The following SH3RF2 variants were observed in gnomAD, a reference collection of about 807,000 sequenced individuals.
SH3RF2 encodes the protein E3 ubiquitin-protein ligase SH3RF2.
Under a neutral mutation model 59.0 loss-of-function variants are expected in SH3RF2, and 43 were observed. That is an observed-to-expected ratio of 0.73 (90% CI 0.57 to 0.94). The LOEUF is 0.94. SH3RF2 is among the 40% of genes least tolerant of loss of function. The pLI, the probability that SH3RF2 is intolerant of heterozygous loss-of-function variation, is 0.00. For synonymous variants in SH3RF2, 391 were observed against 391.5 expected (o/e 1.00, Z 0.01); for missense variants, 930 against 940.1 (o/e 0.99, Z 0.14).
intron 5 of SH3RF2, among the ~76,000 whole-genome samples, chr5:146,032,647 C>T (rs1050659970): frequency 9.2e-5 from 14 of 152,202 alleles, no homozygotes; most frequent in African/African-American, 3.4e-4. Context: ...CTCCTTCAGG[C>T]TTTACCAAAC....
intron 2 of SH3RF2, among the ~76,000 whole-genome samples, chr5:145,986,823 A>G (rs1056153917): frequency 2.6e-5 from 4 of 152,162 alleles, no homozygotes; most frequent in Admixed American, 2.6e-4. Context: ...AAATACGCCA[A>G]TGGCAGCCCT....
At chr5:146,030,204 A>G (rs1354236007) in intron 5 of SH3RF2, among the ~76,000 whole-genome samples, 1 of 152,202 alleles carries the variant, frequency 6.6e-6, no homozygotes, top group Non-Finnish European at 1.5e-5. Flanking sequence ...GACCTGAGCC[A>G]GTACTGATGA....
rs138639512 is a variant in SH3RF2 at position 145,949,421 on chromosome 5, C to T, written c.378+11115C>T. Among the ~76,000 whole-genome samples the T allele has an allele frequency of 1.8e-3, 273 of 152,286 alleles. 1 individual carries two copies. The highest frequency in any genetic ancestry group is 5.8e-3 in the African/African-American group (239 of 41,544). ...CAGGTCTGTGTTCAGGAAAGGTGTT[C>T]GTCTGTGATATTAACGAGCTGCCTG... On this transcript the variant is annotated intron_variant, in intron 2 of 9. Transcript: ENST00000359120.
At chr5:145,978,159 A>C (rs149302728) in intron 2 of SH3RF2, among the ~76,000 whole-genome samples, 4 of 152,330 alleles carry the variant, frequency 2.6e-5, no homozygotes, top group African/African-American at 9.6e-5. Context: ...TCTGCAAAAA[A>C]TCATATTCCT....
At chr5:146,054,253 TGCTGAGCTCAGAAAAATGAGGTC>T (rs1388862257) in intron 7 of SH3RF2, among the ~76,000 whole-genome samples, 2 of 152,254 alleles carry the variant, frequency 1.3e-5, no homozygotes, top group South Asian at 2.1e-4. Flanking sequence ...TCCAGCTCAG[TGCTGAGCTCAGAAAAATGAGGTC>T]ACACCTTGGT....
At position 146,037,475 on chromosome 5, in the gene SH3RF2, TG is replaced by T. The variant is rs569991526; in HGVS notation, c.1060-10291del. Among the ~76,000 whole-genome samples the T allele has an allele frequency of 1.8e-4, 27 of 152,230 alleles. 1 individual carries two copies. In the South Asian group the frequency reaches 5.2e-3, roughly 29 times the overall value. ...TCTAAGGACTTGAATTGATGATGTA[TG>T]GGGGGTCCGCATTGGCTGGGGTTTT... is the stretch of plus-strand genomic sequence containing the variant. On this transcript the variant is annotated intron_variant, in intron 5 of 9. Coordinates refer to ENST00000359120, the MANE Select transcript of SH3RF2 (RefSeq NM_152550.4).
At chr5:146,020,754 C>T (rs1345463772) in intron 5 of SH3RF2, among the ~76,000 whole-genome samples, 1 of 151,992 alleles carries the variant, frequency 6.6e-6, no homozygotes, top group East Asian at 1.9e-4. Context: ...CTTGAGTTTC[C>T]AAACCCCTCT....
chr5:146,022,642 G>C (rs1345737022), intron 5 of SH3RF2, among the ~76,000 whole-genome samples: 1 of 152,122 alleles, frequency 6.6e-6, no homozygotes, highest in Non-Finnish European at 1.5e-5. Flanking sequence ...GGGTGGCTGA[G>C]GCAGGCAGAT....
intron 4 of SH3RF2, among the ~76,000 whole-genome samples, chr5:146,013,446 T>C (rs1375756274): frequency 6.6e-6 from 1 of 152,118 alleles, no homozygotes; most frequent in African/African-American, 2.4e-5. Flanking sequence ...GGAAAATGGG[T>C]AAAGGAAGAA....
rs563310887 is a variant in SH3RF2 at position 146,041,120 on chromosome 5, T to A, written c.1060-6652T>A. ...TTCTGGCATCAAGCTGTCCACCCAT[T>A]TGGCCACTTCCTGAAAATTGTGAAA... On this transcript the variant is annotated intron_variant, in intron 5 of 9. Coordinates refer to ENST00000359120, the MANE Select transcript of SH3RF2 (RefSeq NM_152550.4). 2.6e-5 allele frequency among the ~76,000 whole-genome samples: 4 copies of A among 152,294 alleles called. No individual in the cohort carries two copies. In the South Asian group the frequency reaches 8.3e-4, roughly 32 times the overall value.
In SH3RF2 at chr5:146,072,234, C is replaced by G. The variant is rs573997435; in HGVS notation, c.*34-6226C>G. On this transcript the variant is annotated intron_variant, in intron 9 of 9. Coordinates refer to the SH3RF2 transcript ENST00000511217. ...AGAAAAGTGGGAACAATAATCAGCA[C>G]TTCACACTGTGATTGGGAAAATCAA... Among the ~76,000 whole-genome samples the G allele has an allele frequency of 7.4e-4, 113 of 152,298 alleles. 1 individual carries two copies. Among genetic ancestry groups the G allele is most frequent in the African/African-American group, 2.2e-3 (92 of 41,552 alleles).
At chr5:145,997,898 A>G (rs1760235025) in intron 2 of SH3RF2, 3 of 907,158 alleles carry the variant, frequency 3.3e-6, no homozygotes, top group Admixed American at 1.7e-5. Context: ...GCTCTGAAGC[A>G]AACACCAAAT....
rs1760234360 is a variant in SH3RF2, at chr5:145,997,887, A to C, written c.379-2171A>C. The C allele has an allele frequency of 3.2e-6, 3 of 952,372 alleles. No homozygotes were observed. In the East Asian group the frequency reaches 7.2e-5, roughly 23 times the overall value. The allele number at this position is 952,372 out of a possible 1,614,324, so 59.0% of individuals were successfully genotyped here. ...CTCAGTGCCCTTGCCAACAGAACTC[A>C]GCTCTGAAGCAAACACCAAATCAGA... On this transcript the variant is annotated intron_variant, in intron 2 of 9. Transcript: ENST00000359120.
intron 5 of SH3RF2, among the ~76,000 whole-genome samples, chr5:146,037,273 T>A (rs1761970082): frequency 6.6e-6 from 1 of 152,184 alleles, no homozygotes; most frequent in Admixed American, 6.5e-5. Context: ...GGATTAAGTC[T>A]GAGCCTCCCA....
chr5:145,953,010 T>G lies in SH3RF2; in HGVS notation c.378+14704T>G, dbSNP rs112583822. On this transcript the variant is annotated intron_variant, in intron 2 of 9. Coordinates refer to ENST00000359120, the MANE Select transcript of SH3RF2 (RefSeq NM_152550.4). The stretch of plus-strand genomic sequence containing the variant: ...CATTCTAGAATCTCAATAGAAGGCA[T>G]TCAACAAAATCATAGGTGCCAGCTA... 6.6e-5 allele frequency among the ~76,000 whole-genome samples: 10 copies of G among 152,038 alleles called. 1 individual carries two copies. Among genetic ancestry groups the G allele is most frequent in the African/African-American group, 2.2e-4 (9 of 41,452 alleles).
chr5:146,046,072 C>T (rs541051618), intron 5 of SH3RF2, among the ~76,000 whole-genome samples: 5 of 152,284 alleles, frequency 3.3e-5, no homozygotes, highest in South Asian at 4.1e-4. Context: ...CATACATTTA[C>T]GCAATCATTG....
intron 9 of SH3RF2, among the ~76,000 whole-genome samples, chr5:146,069,633 G>T (rs1048330598): frequency 6.6e-6 from 1 of 152,100 alleles, no homozygotes; most frequent in Non-Finnish European, 1.5e-5. Flanking sequence ...GAGTGCAGTG[G>T]CACAATCTCG....
chr5:145,994,012 C>T (rs139379305), intron 2 of SH3RF2, among the ~76,000 whole-genome samples: 8 of 152,320 alleles, frequency 5.3e-5, no homozygotes, highest in Non-Finnish European at 5.9e-5. Context: ...CCCAAGTCAC[C>T]TCTTGAATGC....
At chr5:145,993,364 C>T (rs6896263) in intron 2 of SH3RF2, among the ~76,000 whole-genome samples, 5,764 of 152,254 alleles carry the variant, frequency 0.038, 352 homozygotes, top group African/African-American at 0.13. Flanking sequence ...CTTCTCACAG[C>T]TCCACTAGGC....
Sources: gnomAD v4.1 joint callset for allele counts (sites outside exome capture counted in the v4.1 genomes callset) on GRCh38, gnomAD v4.1.1 for gene constraint, MANE v1.5 for transcripts, NCBI Gene and HGNC (gene_info 2026-07-23, HGNC 2026-07-21) for gene names.